Variants in PSD4 observed in about 807,000 individuals in gnomAD.
PSD4 encodes the protein pleckstrin and Sec7 domain containing 4.
In PSD4, 59 loss-of-function variants were observed where a neutral mutation model predicts 112.5. The ratio of observed to expected loss-of-function variants is 0.52; its 90% CI spans 0.43 to 0.65. The LOEUF (loss-of-function observed/expected upper bound fraction) is 0.65, where lower values mean the gene tolerates loss of function less well. Among genes scored for constraint, PSD4 ranks in the 30% least tolerant of loss-of-function variants. The pLI is 0.00. For missense variants in PSD4, 1,267 were observed against 1,352.6 expected (o/e 0.94, Z 0.99); for synonymous variants, 533 against 540.0 (o/e 0.99, Z 0.18).
Position 113,198,849 on chromosome 2 carries a change from C to A in PSD4, c.2734C>A (p.Pro912Thr), listed in dbSNP as rs1208791907. 6.3e-7 allele frequency: 1 copy of A among 1,597,578 alleles called. No individual in the cohort carries two copies. Among genetic ancestry groups the A allele is most frequent in the Non-Finnish European group, 8.5e-7 (1 of 1,178,302 alleles). The change falls in exon 15 of 17, where the codon CCC becomes ACC. Residue 912 changes from proline to threonine, a missense_variant. Pro to Thr is a conservative substitution (Grantham distance 38, BLOSUM62 -1). Transcript: ENST00000245796. ...GGGCTCCCAGCGCAGATTCGTGCGG[C>A]CCATCCTGCCCGTGGGCCCCGCCCA... is the stretch of plus-strand genomic sequence containing the variant. ...AVGSQRRFVR[P>T]ILPVGPAQSS...
chr2:113,194,048 A>G, intron 10 of PSD4, 100 bp downstream of exon 10: 2 of 1,165,290 alleles, frequency 1.7e-6, no homozygotes, highest in South Asian at 2.8e-5. Context: ...CTTTGCCAAA[A>G]TATCCTTGAG....
rs1407214941 is a variant in PSD4, at chr2:113,207,152, G to A, written c.*5737G>A. ...AGTTTCAAACTCAAATCCAGGAATA[G>A]TCTCCTGTAGCAGCCTGCCTTGGGC... On this transcript the variant is annotated 3_prime_UTR_variant, in exon 17 of 17. Transcript: ENST00000245796. 6.6e-6 allele frequency: 1 copy of A among 152,132 alleles called. No homozygotes were observed. The highest frequency in any genetic ancestry group is 1.5e-5 in the Non-Finnish European group (1 of 68,044). 9.4% of individuals were successfully genotyped at this position (152,132 alleles called of 1,614,324 possible). A position where few individuals can be genotyped will look rare whatever the true frequency, so the allele number is the denominator to read the frequency against.
chr2:113,183,493 C>G lies in PSD4; in HGVS notation c.1037C>G (p.Pro346Arg), dbSNP rs371939523. Residue 346 changes from proline (P) to arginine (R), a missense_variant, in exon 2 of 17, where the codon CCT becomes CGT. Pro to Arg is a moderately radical substitution (Grantham distance 103). This residue lies in a region of PSD4 where 723 missense variants were observed against 704.0 expected (regional missense o/e 1.03). Coordinates refer to ENST00000245796, the MANE Select transcript of PSD4 (RefSeq NM_012455.3). ...GCTGAGGGGGCTCCTGCAGCACCTC[C>G]TGGTCACGGGGAGAGTGAGGTAAGC... ...AAAEGAPAAP[P>R]GHGESEGDRL... 1.3e-6 allele frequency: 2 copies of G among 1,584,434 alleles called. No homozygotes were observed. The highest frequency in any genetic ancestry group is 1.7e-6 in the Non-Finnish European group (2 of 1,167,084).
chr2:113,193,297 G>A lies in PSD4; in HGVS notation c.1959G>A (p.Gln653=), dbSNP rs1442793518. 6.3e-7 allele frequency: 1 copy of A among 1,595,936 alleles called. No homozygotes were observed. Among genetic ancestry groups the A allele is most frequent in the Non-Finnish European group, 8.5e-7 (1 of 1,173,908 alleles). The change falls in exon 8 of 17, where the codon CAG becomes CAA. Residue 653 remains glutamine, a synonymous_variant. Transcript: ENST00000245796. The part of the protein sequence containing the change: ...LQALVLSGET[Q]ERERILYQFS... ...CCTTGGTGCTCAGTGGGGAGACTCAGGAACGGGAGCGAATCCTCTACCAGT... is the reference window on the plus strand; with the variant it reads ...CCTTGGTGCTCAGTGGGGAGACTCAAGAACGGGAGCGAATCCTCTACCAGT...
chr2:113,184,253 C>G (rs1448198987), intron 2 of PSD4, among the ~76,000 whole-genome samples: 1 of 152,192 alleles, frequency 6.6e-6, no homozygotes, highest in Admixed American at 6.5e-5. Context: ...ACCAGAGCAG[C>G]TCTTGGAGCC....
chr2:113,185,114 T>C (rs749100370), intron 3 of PSD4, 41 bp downstream of exon 3: 1 of 1,613,352 alleles, frequency 6.2e-7, no homozygotes, highest in East Asian at 2.2e-5. Flanking sequence ...TTCTCCATCT[T>C]TGGAGGAGGA....
intron 1 of PSD4, among the ~76,000 whole-genome samples, chr2:113,181,143 G>A (rs1573351959): frequency 6.6e-6 from 1 of 151,172 alleles, no homozygotes; most frequent in African/African-American, 2.4e-5. Flanking sequence ...CAGGAGAATC[G>A]CTTGAACCCA....
At chr2:113,198,973 C>T (rs1464173124) in intron 15 of PSD4, 89 bp downstream of exon 15, 1 of 1,529,894 alleles carries the variant, frequency 6.5e-7, no homozygotes, top group Admixed American at 2.0e-5. Context: ...TGGAGGCGGG[C>T]TGCGCACTTG....
chr2:113,203,384 C>T lies in PSD4; in HGVS notation c.*1969C>T, dbSNP rs1336674780. ...GAGGGATAGATAAATATGTTTAAAG[C>T]TCCTTGGGTAATTCTGATGTGTAAG... On this transcript the variant is annotated 3_prime_UTR_variant, in exon 17 of 17. Transcript: ENST00000245796. The T allele has an allele frequency of 1.3e-5, 2 of 152,068 alleles. No homozygotes were observed. The highest frequency in any genetic ancestry group is 2.1e-4 in the South Asian group (1 of 4,824). The allele number at this position is 152,068 out of a possible 1,614,324, so 9.4% of individuals were successfully genotyped here. A position where few individuals can be genotyped will look rare whatever the true frequency, so the allele number is the denominator to read the frequency against.
At chr2:113,196,536 G>A in intron 12 of PSD4, 1 of 492,616 alleles carries the variant, frequency 2.0e-6, no homozygotes, top group Non-Finnish European at 3.6e-6. Flanking sequence ...GTTATTCCTG[G>A]GCCCCAGAGT....
Position 113,195,559 on chromosome 2 carries a change from G to A in PSD4, c.2182-168G>A, listed in dbSNP as rs1467927967. Among the ~76,000 whole-genome samples, 4 of 55,090 alleles carry A rather than the reference G, an allele frequency of 7.3e-5. No homozygotes were observed. In the Admixed American group the frequency reaches 1.1e-3, roughly 15 times the overall value. The allele number at this position is 55,090 out of a possible 152,430, so 36.1% of individuals were successfully genotyped here. The stretch of plus-strand genomic sequence containing the variant: ...CGGATGGATGGATGGATGGATGGAT[G>A]GATGGATGGATGGATGGATGCTTGC... On this transcript the variant is annotated intron_variant, in intron 10 of 16. Coordinates refer to ENST00000245796, the MANE Select transcript of PSD4 (RefSeq NM_012455.3).
At position 113,193,387 on chromosome 2, in the gene PSD4, C is replaced by T. The variant is rs751491089; in HGVS notation, c.2032+17C>T. 5 of 1,606,732 alleles carry T rather than the reference C, an allele frequency of 3.1e-6. No individual in the cohort carries two copies. The Admixed American group carries it at 8.6e-5, about 28-fold the overall frequency. ...CCTCAGTAGGTAGGGAGGGGCTGGC[C>T]CTGACAGCAAAGCAGGGAAACTTTG... On this transcript the variant is annotated intron_variant, in intron 8 of 16. Transcript: ENST00000245796.
chr2:113,182,966 G>A lies in PSD4; in HGVS notation c.510G>A (p.Leu170=). Residue 170 remains leucine, a synonymous_variant, in exon 2 of 17, where the codon CTG becomes CTA. Transcript: ENST00000245796. ...AGGCCCAGATGTGTGTCCTAGACCTGGAGGAGGAGCTGGAGAAGACGGAAG... is the reference window on the plus strand; with the variant it reads ...AGGCCCAGATGTGTGTCCTAGACCTAGAGGAGGAGCTGGAGAAGACGGAAG... The part of the protein sequence containing the change: ...ILQAQMCVLD[L]EEELEKTEGL... The A allele has an allele frequency of 6.2e-7, 1 of 1,614,214 alleles. No homozygotes were observed. The highest frequency in any genetic ancestry group is 8.5e-7 in the Non-Finnish European group (1 of 1,180,038).
In PSD4 at chr2:113,182,913, C is replaced by T. The variant is rs750689383; in HGVS notation, c.457C>T (p.Gln153Ter). The change falls in exon 2 of 17, where the codon CAG becomes TAG. Residue 153 changes from glutamine (Q) to a stop codon, truncating the protein, a stop_gained. Transcript: ENST00000245796. LOFTEE classifies it high-confidence loss of function. ...SPKQNRSTSTQVVFWAGILQA... is the reference protein window; with the variant it reads ...SPKQNRSTST ...AAAGCAGAACCGGAGCACGTCCACA[C>T]AGGTAGTGTTCTGGGCAGGCATCCT... is the stretch of plus-strand genomic sequence containing the variant. The T allele has an allele frequency of 6.2e-7, 1 of 1,614,230 alleles. No homozygotes were observed. The highest frequency in any genetic ancestry group is 8.5e-7 in the Non-Finnish European group (1 of 1,180,036).
intron 5 of PSD4, among the ~76,000 whole-genome samples, chr2:113,187,412 G>A (rs1173085540): frequency 3.3e-5 from 5 of 152,040 alleles, no homozygotes; most frequent in Non-Finnish European, 7.4e-5. Flanking sequence ...AAGGCTGTAA[G>A]GGGGCTGAGA....
intron 12 of PSD4, 144 bp downstream of exon 12, chr2:113,196,451 T>C: frequency 9.4e-7 from 1 of 1,066,588 alleles, no homozygotes; most frequent in Non-Finnish European, 1.3e-6. Flanking sequence ...CAGTGCGTAC[T>C]GAACAGTGAC....
chr2:113,182,361 C>T lies in PSD4; in HGVS notation c.-96C>T. On this transcript the variant is annotated 5_prime_UTR_variant, in exon 2 of 17. Coordinates refer to ENST00000245796, the MANE Select transcript of PSD4 (RefSeq NM_012455.3). Reference sequence around the variant, plus strand: ...GCATTTCCAGGGTAGATATGGATTCCCAGTTTCTCCAGCGGCCAGTGCTCC... The same window carrying T: ...GCATTTCCAGGGTAGATATGGATTCTCAGTTTCTCCAGCGGCCAGTGCTCC... 8.2e-7 allele frequency: 1 copy of T among 1,223,402 alleles called. No individual in the cohort carries two copies. Among genetic ancestry groups the T allele is most frequent in the Non-Finnish European group, 1.1e-6 (1 of 872,302 alleles). The allele number at this position is 1,223,402 out of a possible 1,614,324, so 75.8% of individuals were successfully genotyped here.
In PSD4 at chr2:113,193,875, T is replaced by A; in HGVS notation, c.2108T>A (p.Met703Lys). ...TGGCTACAGAACATTGGGAAGAGCATGAGCTGCCAGGAATTCATAACCAAC... is the reference window on the plus strand; with the variant it reads ...TGGCTACAGAACATTGGGAAGAGCAAGAGCTGCCAGGAATTCATAACCAAC... ...DLHGQNIGKS[M>K]SCQEFITNLN... is the part of the protein sequence containing the mutation. Residue 703 changes from methionine to lysine, a missense_variant, in exon 10 of 17, where the codon ATG (methionine) becomes AAG (lysine). Met to Lys is a moderately conservative substitution (Grantham distance 95, BLOSUM62 -1). This residue lies in a region of PSD4 where 544 missense variants were observed against 648.6 expected (regional missense o/e 0.84). Coordinates refer to ENST00000245796, the MANE Select transcript of PSD4 (RefSeq NM_012455.3). 6.2e-7 allele frequency: 1 copy of A among 1,614,042 alleles called. No individual in the cohort carries two copies. Among genetic ancestry groups the A allele is most frequent in the Non-Finnish European group, 8.5e-7 (1 of 1,179,982 alleles).
Position 113,192,975 on chromosome 2 carries a change from T to C in PSD4, c.1839-73T>C, listed in dbSNP as rs183039469. On this transcript the variant is annotated intron_variant, in intron 6 of 16. Coordinates refer to ENST00000245796, the MANE Select transcript of PSD4 (RefSeq NM_012455.3). ...CCCACCGCATAATGTGTGCAGGCCC[T>C]GGGGGCCCCAGTGCATCTGCAGCCC... The C allele has an allele frequency of 4.7e-6, 7 of 1,475,110 alleles. No individual in the cohort carries two copies. The Admixed American group carries it at 1.2e-4, about 26-fold the overall frequency. The allele number at this position is 1,475,110 out of a possible 1,614,324, so 91.4% of individuals were successfully genotyped here. A position where few individuals can be genotyped will look rare whatever the true frequency, so the allele number is the denominator to read the frequency against.
Sources: gnomAD v4.1 joint callset for allele counts (sites outside exome capture counted in the v4.1 genomes callset) on GRCh38, gnomAD v4.1.1 for gene constraint, gnomAD v4.1.1 regional missense constraint, MANE v1.5 for transcripts, NCBI Gene and HGNC (gene_info 2026-07-23, HGNC 2026-07-21) for gene names.